NEK11: variants seen among roughly 807,000 people sequenced by gnomAD.
NEK11 encodes serine/threonine-protein kinase Nek11.
A neutral mutation model predicts 80.7 loss-of-function variants in NEK11; 72 were observed. That is an observed-to-expected ratio of 0.89 (90% confidence interval 0.74 to 1.08). The LOEUF (loss-of-function observed/expected upper bound fraction) is 1.08, where lower values mean the gene tolerates loss of function less well. Ranked by LOEUF, NEK11 falls within the 50% of genes least tolerant of loss-of-function variation. NEK11 has a pLI of 0.00. For synonymous variants in NEK11, 251 were observed against 260.7 expected (o/e 0.96, Z 0.36); for missense variants, 764 against 763.6 (o/e 1.00, Z -0.01).
intron 15 of NEK11, among the ~76,000 whole-genome samples, chr3:131,231,005 C>G (rs1187279270): frequency 6.6e-6 from 1 of 152,086 alleles, no homozygotes; most frequent in African/African-American, 2.4e-5. Flanking sequence ...ATGGCTTTCA[C>G]CTTCCACCAT....
intron 15 of NEK11, among the ~76,000 whole-genome samples, chr3:131,231,979 A>C (rs1323927904): frequency 1.3e-5 from 2 of 152,216 alleles, no homozygotes; most frequent in Non-Finnish European, 2.9e-5. Context: ...CATGGACTTC[A>C]TTGAGATTGA....
At chr3:131,060,483 A>G (rs761520146) in intron 3 of NEK11, among the ~76,000 whole-genome samples, 1 of 152,234 alleles carries the variant, frequency 6.6e-6, no homozygotes, top group Non-Finnish European at 1.5e-5. Flanking sequence ...TGTGTTTCAC[A>G]TTCACTCTAC....
chr3:131,084,638 A>T (rs2075742274), intron 4 of NEK11, among the ~76,000 whole-genome samples: 2 of 152,196 alleles, frequency 1.3e-5, no homozygotes, highest in Non-Finnish European at 2.9e-5. Context: ...GAGAGAACAT[A>T]TGATAGGGAA....
At chr3:131,149,139 C>A (rs909442175) in intron 7 of NEK11, among the ~76,000 whole-genome samples, 1 of 151,938 alleles carries the variant, frequency 6.6e-6, no homozygotes, top group African/African-American at 2.4e-5. Context: ...CCTCAACCTC[C>A]TCCTCTCCCT....
At chr3:131,148,553 T>C (rs1174613454) in intron 7 of NEK11, among the ~76,000 whole-genome samples, 1 of 151,996 alleles carries the variant, frequency 6.6e-6, no homozygotes, top group Non-Finnish European at 1.5e-5. Flanking sequence ...GTAGCCACTG[T>C]TCTGTTGTTG....
intron 5 of NEK11, among the ~76,000 whole-genome samples, chr3:131,128,135 G>T (rs192508647): frequency 6.6e-6 from 1 of 152,256 alleles, no homozygotes; most frequent in African/African-American, 2.4e-5. Context: ...TCATACATTT[G>T]TTATAACAGA....
chr3:131,097,555 A>G lies in NEK11; in HGVS notation c.337-12248A>G, dbSNP rs1300764104. On this transcript the variant is annotated intron_variant, in intron 4 of 17. Transcript: ENST00000383366. ...CTTCTTTTGAGAAGTGTCTGTTCAT[A>G]TCCTTTGCCCACTTTTTGATGGGGT... is the stretch of plus-strand genomic sequence containing the variant. 8.5e-5 allele frequency among the ~76,000 whole-genome samples: 13 copies of G among 152,228 alleles called. No homozygotes were observed. The East Asian group carries it at 2.5e-3, about 29-fold the overall frequency.
In NEK11 at chr3:131,203,767, GTA is replaced by G. The variant is rs150951735; in HGVS notation, c.1400-24702_1400-24701del. On this transcript the variant is annotated intron_variant, in intron 14 of 17. Transcript: ENST00000383366. Reference sequence around the variant, plus strand: ...TATATATGTGTGTGTGTGTGTGTGTGTATATATATATATATATATATATATAT... The same window carrying G: ...TATATATGTGTGTGTGTGTGTGTGTGTATATATATATATATATATATATAT... Among the ~76,000 whole-genome samples, 84 of 54,054 alleles carry G rather than the reference GTA, an allele frequency of 1.6e-3. 1 individual carries two copies. Among genetic ancestry groups the G allele is most frequent in the East Asian group, 3.4e-3 (2 of 586 alleles). The allele number at this position is 54,054 out of a possible 152,430, so 35.5% of individuals were successfully genotyped here. A position where few individuals can be genotyped will look rare whatever the true frequency, so the allele number is the denominator to read the frequency against.
At chr3:131,081,477 A>C (rs560303336) in intron 4 of NEK11, among the ~76,000 whole-genome samples, 2 of 152,170 alleles carry the variant, frequency 1.3e-5, no homozygotes, top group Non-Finnish European at 2.9e-5. Flanking sequence ...TGCTTAGAGA[A>C]GTGGGAGAGG....
chr3:131,263,282 C>A (rs1017321979), intron 16 of NEK11, among the ~76,000 whole-genome samples: 4 of 152,158 alleles, frequency 2.6e-5, no homozygotes, highest in African/African-American at 7.2e-5. Flanking sequence ...TGAGAACATG[C>A]AGTTCTCACT....
At chr3:131,063,947 A>G (rs1403326897) in intron 3 of NEK11, among the ~76,000 whole-genome samples, 1 of 152,240 alleles carries the variant, frequency 6.6e-6, no homozygotes, top group Non-Finnish European at 1.5e-5. Context: ...CAACTGATAA[A>G]TGGATAAACA....
intron 17 of NEK11, among the ~76,000 whole-genome samples, chr3:131,282,351 G>A (rs897897228): frequency 9.9e-5 from 15 of 151,916 alleles, no homozygotes; most frequent in Non-Finnish European, 2.1e-4. Context: ...TCTCCTATAT[G>A]TGGACATTGT....
intron 3 of NEK11, among the ~76,000 whole-genome samples, chr3:131,073,901 G>T (rs1362154968): frequency 6.6e-6 from 1 of 152,098 alleles, no homozygotes. Flanking sequence ...GGAGAAGAGT[G>T]GAGGAATTAA....
At chr3:131,093,765 T>C (rs1252891096) in intron 4 of NEK11, among the ~76,000 whole-genome samples, 1 of 152,142 alleles carries the variant, frequency 6.6e-6, no homozygotes. Context: ...TGTTACATGG[T>C]GAACTAGAAT....
Position 131,217,392 on chromosome 3 carries a change from G to T in NEK11, c.1400-11136G>T, listed in dbSNP as rs575272620. 2.6e-5 allele frequency among the ~76,000 whole-genome samples: 4 copies of T among 152,132 alleles called. No homozygotes were observed. The East Asian group carries it at 7.7e-4, about 29-fold the overall frequency. On this transcript the variant is annotated intron_variant, in intron 14 of 17. Coordinates refer to ENST00000383366, the MANE Select transcript of NEK11 (RefSeq NM_024800.5). ...GGGTTTTAGGAGTGGTTTTTATCTTGTTGGGAGAGTTCAGCTGTCATCCTG... is the reference window on the plus strand; with the variant it reads ...GGGTTTTAGGAGTGGTTTTTATCTTTTTGGGAGAGTTCAGCTGTCATCCTG...
intron 17 of NEK11, among the ~76,000 whole-genome samples, chr3:131,308,963 A>G (rs1462982525): frequency 1.3e-5 from 2 of 152,320 alleles, no homozygotes; most frequent in East Asian, 3.9e-4. Context: ...GCAGTTCACC[A>G]CAGAGTTTGT....
intron 17 of NEK11, among the ~76,000 whole-genome samples, chr3:131,288,455 T>C (rs536213968): frequency 0.019 from 2,720 of 145,482 alleles, 102 homozygotes; most frequent in African/African-American, 0.065. Flanking sequence ...TCTTTCTTTT[T>C]TTTTTTTTTT....
At chr3:131,259,870 T>C (rs2095882179) in intron 16 of NEK11, among the ~76,000 whole-genome samples, 1 of 152,188 alleles carries the variant, frequency 6.6e-6, no homozygotes, top group Non-Finnish European at 1.5e-5. Context: ...AGGATCTGCA[T>C]AGTGCATCTC....
intron 3 of NEK11, among the ~76,000 whole-genome samples, chr3:131,041,853 C>T (rs1005812512): frequency 2.6e-5 from 4 of 152,298 alleles, no homozygotes; most frequent in African/African-American, 7.2e-5. Context: ...CAGCTCCCAG[C>T]GAGATCAATG....
Sources: gnomAD v4.1 joint callset for allele counts (sites outside exome capture counted in the v4.1 genomes callset) on GRCh38, gnomAD v4.1.1 for gene constraint, MANE v1.5 for transcripts, NCBI Gene and HGNC (gene_info 2026-07-23, HGNC 2026-07-21) for gene names.